The following CFLAR variants were observed in gnomAD, a reference collection of about 807,000 sequenced individuals.
CFLAR encodes CASP8 and FADD like apoptosis regulator.
In CFLAR, 14 loss-of-function variants were observed where a neutral mutation model predicts 51.1. The observed-to-expected ratio is 0.27, with a 90% confidence interval of 0.18 to 0.43. The LOEUF (loss-of-function observed/expected upper bound fraction) is 0.43. Among genes scored for constraint, CFLAR ranks in the 20% least tolerant of loss-of-function variants. CFLAR has a pLI of 1.00. For synonymous variants in CFLAR, 210 were observed against 211.6 expected, an observed-to-expected ratio of 0.99 and a Z score of 0.06; for missense variants, 390 against 566.5, an observed-to-expected ratio of 0.69 and a Z score of 3.16.
At position 201,167,993 on chromosome 2, in the gene CFLAR, C is replaced by T. The variant is rs1363978389; in HGVS notation, c.*4020C>T. 1.3e-5 allele frequency: 2 copies of T among 152,284 alleles called. No individual in the cohort carries two copies. The highest frequency in any genetic ancestry group is 2.9e-5 in the Non-Finnish European group (2 of 68,100). 9.4% of individuals were successfully genotyped at this position (152,284 alleles called of 1,614,324 possible). On this transcript the variant is annotated 3_prime_UTR_variant, in exon 10 of 10. Coordinates refer to ENST00000309955, the MANE Select transcript of CFLAR (RefSeq NM_003879.7). ...GTGCGGTGGCTCACGCCTATAATCCCAGCCCTTTGGGAGGCCAAGGCGGGC... is the reference window on the plus strand; with the variant it reads ...GTGCGGTGGCTCACGCCTATAATCCTAGCCCTTTGGGAGGCCAAGGCGGGC...
chr2:201,117,918 G>T (rs1026253435), intron 1 of CFLAR, among the ~76,000 whole-genome samples: 1 of 152,068 alleles, frequency 6.6e-6, no homozygotes, highest in African/African-American at 2.4e-5. Flanking sequence ...ACCATGCCCG[G>T]CTAGTTTTGT....
chr2:201,119,839 G>GT (rs35011582), intron 1 of CFLAR, among the ~76,000 whole-genome samples: 3,821 of 120,740 alleles, frequency 0.032, 53 homozygotes, highest in African/African-American at 0.048. Context: ...TCAGTTTAAT[G>GT]TTTTTTTTTT....
In CFLAR at chr2:201,167,713, C is replaced by T. The variant is rs1943726550; in HGVS notation, c.*3740C>T. 6.6e-6 allele frequency: 1 copy of T among 152,136 alleles called. No individual in the cohort carries two copies. The highest frequency in any genetic ancestry group is 6.6e-5 in the Admixed American group (1 of 15,258). The allele number at this position is 152,136 out of a possible 1,614,324, so 9.4% of individuals were successfully genotyped here. A position where few individuals can be genotyped will look rare whatever the true frequency, so the allele number is the denominator to read the frequency against. On this transcript the variant is annotated 3_prime_UTR_variant, in exon 10 of 10. Transcript: ENST00000309955. The stretch of plus-strand genomic sequence containing the variant: ...GGAAAGTGTGTGAGAGAGATCTTAA[C>T]TACCTAGCAGCTCTAGCTGCCATCT...
rs1378810202 is a variant in CFLAR at position 201,168,505 on chromosome 2, C to T, written c.*4532C>T. ...ATAATAACCATTTATGACAAACCCA[C>T]AGCCATTATCATACTGAATGGGCAA... is the stretch of plus-strand genomic sequence containing the variant. On this transcript the variant is annotated 3_prime_UTR_variant, in exon 10 of 10. Transcript: ENST00000309955. 1 of 152,116 alleles carries T rather than the reference C, an allele frequency of 6.6e-6. No individual in the cohort carries two copies. Among genetic ancestry groups the T allele is most frequent in the African/African-American group, 2.4e-5 (1 of 41,420 alleles). The allele number at this position is 152,116 out of a possible 1,614,324, so 9.4% of individuals were successfully genotyped here. A position where few individuals can be genotyped will look rare whatever the true frequency, so the allele number is the denominator to read the frequency against.
At chr2:201,133,896 A>G (rs1389478430) in intron 3 of CFLAR, among the ~76,000 whole-genome samples, 4 of 138,724 alleles carry the variant, frequency 2.9e-5, no homozygotes, top group Non-Finnish European at 4.5e-5. Flanking sequence ...GCGCCACTGC[A>G]CTCCAGCCTG....
chr2:201,162,721 C>G, intron 9 of CFLAR: 1 of 332,432 alleles, frequency 3.0e-6, no homozygotes, highest in South Asian at 2.8e-5. Context: ...ACAGGCACCC[C>G]TCTATCCCAT....
chr2:201,144,891 C>T (rs569103192), intron 5 of CFLAR, among the ~76,000 whole-genome samples: 62 of 151,426 alleles, frequency 4.1e-4, no homozygotes, highest in Non-Finnish European at 7.1e-4. Context: ...TCACTCTTGT[C>T]GCCCAGGCTG....
intron 5 of CFLAR, chr2:201,144,302 T>A (rs534829721): frequency 6.6e-6 from 1 of 152,378 alleles, no homozygotes; most frequent in East Asian, 1.9e-4. Context: ...GGACCTGTCA[T>A]CTGAGAAGAG....
Position 201,124,135 on chromosome 2 carries a change from G to A in CFLAR, c.-137-5594G>A, listed in dbSNP as rs901467394. ...AAGTACGTCTTTGGATGGCTTAGCT[G>A]GTCATGCTGCATGCTTTGCTACTGA... On this transcript the variant is annotated intron_variant, in intron 1 of 9. Transcript: ENST00000309955. The surrounding 1 kb of genome is among the most constrained non-coding windows in gnomAD (Gnocchi z 4.7). Among the ~76,000 whole-genome samples, 1 of 152,168 alleles carries A rather than the reference G, an allele frequency of 6.6e-6. No individual in the cohort carries two copies. The highest frequency in any genetic ancestry group is 2.4e-5 in the African/African-American group (1 of 41,428).
rs538978211 is a variant in CFLAR, at chr2:201,118,894, G to T, written c.-138+2413G>T. 3.4e-4 allele frequency: 52 copies of T among 152,582 alleles called. 1 individual carries two copies. The South Asian group carries it at 9.5e-3, about 28-fold the overall frequency. The allele number at this position is 152,582 out of a possible 1,614,324, so 9.5% of individuals were successfully genotyped here. On this transcript the variant is annotated intron_variant, in intron 1 of 9. Coordinates refer to ENST00000309955, the MANE Select transcript of CFLAR (RefSeq NM_003879.7). The surrounding 1 kb of genome is among the most constrained non-coding windows in gnomAD (Gnocchi z 5.1). ...GATCCAGTGGGAAGAGCCGGCGGCT[G>T]CCCGGGCGTGAGTAGACCGAGAATC...
chr2:201,145,649 TTCA>T lies in CFLAR; in HGVS notation c.661+223_661+225del, dbSNP rs1294631004. ...TTGAACACCATCGTACTCCATCAGC[TTCA>T]TCATCTTGGCCGTATGTTAAGAGAT... is the stretch of plus-strand genomic sequence containing the variant. On this transcript the variant is annotated intron_variant, in intron 6 of 9. Transcript: ENST00000309955. 6.1e-6 allele frequency: 3 copies of T among 490,430 alleles called. No homozygotes were observed. In the Admixed American group the frequency reaches 1.1e-4, roughly 18 times the overall value. 30.4% of individuals were successfully genotyped at this position (490,430 alleles called of 1,614,324 possible). A position where few individuals can be genotyped will look rare whatever the true frequency, so the allele number is the denominator to read the frequency against.
intron 6 of CFLAR, chr2:201,146,867 C>T (rs923113013): frequency 6.6e-5 from 10 of 152,242 alleles, no homozygotes; most frequent in Admixed American, 3.3e-4. Flanking sequence ...CACCTGGAAA[C>T]TTATTTTGCC....
chr2:201,153,646 A>G (rs1357469694), intron 8 of CFLAR: 1 of 152,204 alleles, frequency 6.6e-6, no homozygotes, highest in African/African-American at 2.4e-5. Flanking sequence ...ACAAGCGGGT[A>G]AGGTAATTGC....
At chr2:201,120,140 C>CCTCT (rs1409993893) in intron 1 of CFLAR, among the ~76,000 whole-genome samples, 1 of 149,750 alleles carries the variant, frequency 6.7e-6, no homozygotes, top group African/African-American at 2.5e-5. Flanking sequence ...CTCACATCAG[C>CCTCT]CTCTGGAGTA....
In CFLAR at chr2:201,160,955, G is replaced by A. The variant is rs1362485291; in HGVS notation, c.1304+13G>A. The stretch of plus-strand genomic sequence containing the variant: ...TGAGACAAGAAAGGTGAGCCCCCAG[G>A]AGGTGGTCAGTTCCGGACCACCTGC... On this transcript the variant is annotated intron_variant, in intron 9 of 9. Coordinates refer to ENST00000309955, the MANE Select transcript of CFLAR (RefSeq NM_003879.7). 2 of 1,601,510 alleles carry A rather than the reference G, an allele frequency of 1.2e-6. No individual in the cohort carries two copies. Among genetic ancestry groups the A allele is most frequent in the Admixed American group, 1.7e-5 (1 of 59,594 alleles).
intron 8 of CFLAR, 115 bp downstream of exon 8, chr2:201,149,950 CTG>C (rs1940970189): frequency 1.3e-6 from 1 of 779,846 alleles, no homozygotes; most frequent in Non-Finnish European, 2.2e-6. Context: ...GTTCAAGAAT[CTG>C]TGCTTCATCC....
rs1943753695 is a variant in CFLAR, at chr2:201,168,009, C to T, written c.*4036C>T. ...CTATAATCCCAGCCCTTTGGGAGGC[C>T]AAGGCGGGCGGATCACGAGGTCAGG... is the stretch of plus-strand genomic sequence containing the variant. On this transcript the variant is annotated 3_prime_UTR_variant, in exon 10 of 10. Transcript: ENST00000309955. 6.6e-6 allele frequency: 1 copy of T among 152,272 alleles called. No homozygotes were observed. The allele number at this position is 152,272 out of a possible 1,614,324, so 9.4% of individuals were successfully genotyped here.
At chr2:201,161,806 G>GCATGAT (rs1402461614) in intron 9 of CFLAR, among the ~76,000 whole-genome samples, 1 of 137,566 alleles carries the variant, frequency 7.3e-6, no homozygotes, top group Non-Finnish European at 1.5e-5. Context: ...GAGTACAGTG[G>GCATGAT]CATGATCTTG....
At position 201,171,485 on chromosome 2, in the gene CFLAR, C is replaced by T. The variant is rs1253829086; in HGVS notation, c.*7512C>T. 6.6e-6 allele frequency: 1 copy of T among 152,066 alleles called. No individual in the cohort carries two copies. The highest frequency in any genetic ancestry group is 1.5e-5 in the Non-Finnish European group (1 of 68,020). 9.4% of individuals were successfully genotyped at this position (152,066 alleles called of 1,614,324 possible). The stretch of plus-strand genomic sequence containing the variant: ...CGGACACAGGGATGAGATCAACACA[C>T]ACTGGGGCCTGATGCAGGGGCCGTA... On this transcript the variant is annotated 3_prime_UTR_variant, in exon 10 of 10. Coordinates refer to ENST00000309955, the MANE Select transcript of CFLAR (RefSeq NM_003879.7).
Sources: allele counts gnomAD v4.1 joint callset (sites outside exome capture counted in the v4.1 genomes callset), GRCh38; gene constraint gnomAD v4.1.1; non-coding constraint Gnocchi (gnomAD v3.1); transcripts MANE v1.5; gene names NCBI Gene and HGNC (gene_info 2026-07-23, HGNC 2026-07-21).